Variants in USP33 observed in about 807,000 individuals in gnomAD.
The protein encoded by USP33 is ubiquitin carboxyl-terminal hydrolase 33.
Under a neutral mutation model 124.2 loss-of-function variants are expected in USP33, and 46 were observed. The ratio of observed to expected loss-of-function variants is 0.37; its 90% CI spans 0.29 to 0.47. The LOEUF (loss-of-function observed/expected upper bound fraction) is 0.47. USP33 is among the 20% of genes least tolerant of loss of function. USP33 has a pLI of 0.99. For synonymous variants in USP33, 350 were observed against 352.3 expected (o/e 0.99, Z 0.07); for missense variants, 851 against 1,070.6 (o/e 0.79, Z 2.86).
chr1:77,702,765 T>C (rs1353157650), intron 21 of USP33, among the ~76,000 whole-genome samples: 1 of 152,102 alleles, frequency 6.6e-6, no homozygotes, highest in Non-Finnish European at 1.5e-5. Flanking sequence ...ATTTCTTTTT[T>C]GCCAGGTTAG....
At chr1:77,754,717 C>G (rs570446809) in intron 1 of USP33, among the ~76,000 whole-genome samples, 1 of 152,296 alleles carries the variant, frequency 6.6e-6, no homozygotes, top group African/African-American at 2.4e-5. Flanking sequence ...AAATCTGTCT[C>G]ATTGATCCTT....
chr1:77,715,602 T>C, intron 18 of USP33, 140 bp downstream of exon 18: 2 of 930,288 alleles, frequency 2.1e-6, no homozygotes, highest in Non-Finnish European at 3.1e-6. Context: ...TATACAGCCT[T>C]TCACTGTATT....
At chr1:77,751,765 T>C (rs1056446044) in intron 1 of USP33, among the ~76,000 whole-genome samples, 2 of 151,814 alleles carry the variant, frequency 1.3e-5, no homozygotes, top group Non-Finnish European at 2.9e-5. Context: ...CTCAGCTCAC[T>C]GCAAGCTCCA....
chr1:77,699,005 G>A (rs1368487719), intron 22 of USP33, among the ~76,000 whole-genome samples: 2 of 151,754 alleles, frequency 1.3e-5, no homozygotes, highest in Non-Finnish European at 2.9e-5. Context: ...AAAGTGAACC[G>A]CATGGTCATC....
intron 22 of USP33, among the ~76,000 whole-genome samples, chr1:77,699,907 C>G (rs1673812743): frequency 6.6e-6 from 1 of 152,128 alleles, no homozygotes; most frequent in Admixed American, 6.5e-5. Context: ...ATGGATGGAG[C>G]TGGAAGCCAT....
intron 21 of USP33, among the ~76,000 whole-genome samples, chr1:77,710,091 A>G (rs1244315891): frequency 2.0e-5 from 3 of 152,118 alleles, no homozygotes; most frequent in Admixed American, 1.3e-4. Context: ...TATGGAACCA[A>G]TCGCTCACTG....
intron 1 of USP33, among the ~76,000 whole-genome samples, chr1:77,758,040 A>G (rs535130949): frequency 6.6e-6 from 1 of 152,226 alleles, no homozygotes; most frequent in Non-Finnish European, 1.5e-5. Flanking sequence ...TAAGTTATAA[A>G]AAGTTCAGAA....
At chr1:77,732,029 AG>A (rs1207883161) in intron 7 of USP33, among the ~76,000 whole-genome samples, 3 of 151,556 alleles carry the variant, frequency 2.0e-5, no homozygotes, top group Non-Finnish European at 2.9e-5. Flanking sequence ...CCTTGAACCC[AG>A]GAGTTCAAGG....
At chr1:77,697,697 T>C in intron 23 of USP33, 166 bp downstream of exon 23, 6 of 896,418 alleles carry the variant, frequency 6.7e-6, no homozygotes, top group Non-Finnish European at 1.0e-5. Context: ...CTTAAGACCT[T>C]TCCTCAGATA....
In USP33 at chr1:77,759,750, G is replaced by C. The variant is rs559842047; in HGVS notation, c.-159C>G. 4 of 398,062 alleles carry C rather than the reference G, an allele frequency of 1.0e-5. No homozygotes were observed. In the South Asian group the frequency reaches 5.1e-4, roughly 51 times the overall value. 24.7% of individuals were successfully genotyped at this position (398,062 alleles called of 1,614,324 possible). ...TCAGCTCTCGGAGAGGGGCAGTGTCGCGTCAGGAGGGCCGGAAAACGGCCC... is the reference window on the plus strand; with the variant it reads ...TCAGCTCTCGGAGAGGGGCAGTGTCCCGTCAGGAGGGCCGGAAAACGGCCC... On this transcript the variant is annotated 5_prime_UTR_variant, in exon 1 of 24. Transcript: ENST00000370794.
chr1:77,717,358 C>G (rs995605214), intron 17 of USP33, among the ~76,000 whole-genome samples: 4 of 151,878 alleles, frequency 2.6e-5, no homozygotes, highest in African/African-American at 9.7e-5. Context: ...GGCGTGGTGG[C>G]AGGCGCCTGT....
intron 1 of USP33, among the ~76,000 whole-genome samples, chr1:77,748,593 C>T (rs1047206418): frequency 5.3e-5 from 8 of 151,454 alleles, no homozygotes; most frequent in Non-Finnish European, 8.8e-5. Context: ...CACTTTAACC[C>T]GGGAGGCAGA....
intron 1 of USP33, among the ~76,000 whole-genome samples, chr1:77,745,245 AC>A (rs1679622568): frequency 1.3e-5 from 2 of 151,806 alleles, no homozygotes; most frequent in African/African-American, 2.4e-5. Context: ...AGGATTGCAA[AC>A]CCTGCTTTTT....
intron 1 of USP33, among the ~76,000 whole-genome samples, chr1:77,754,230 T>C (rs1219317238): frequency 2.0e-5 from 3 of 152,176 alleles, no homozygotes; most frequent in Non-Finnish European, 4.4e-5. Flanking sequence ...AAAAATTGAT[T>C]TGTCTTTCAA....
intron 19 of USP33, 112 bp downstream of exon 19, chr1:77,714,502 T>C (rs1459360237): frequency 3.8e-6 from 4 of 1,059,816 alleles, no homozygotes; most frequent in Non-Finnish European, 5.5e-6. Context: ...TAAGTTTGAA[T>C]GCAGGTGGGG....
intron 4 of USP33, among the ~76,000 whole-genome samples, chr1:77,740,055 G>C (rs1396396938): frequency 6.6e-6 from 1 of 152,200 alleles, no homozygotes; most frequent in Non-Finnish European, 1.5e-5. Flanking sequence ...AACAGTTGAT[G>C]CTGTAGAGGT....
intron 5 of USP33, among the ~76,000 whole-genome samples, chr1:77,737,036 C>T (rs569097569): frequency 1.3e-5 from 2 of 151,000 alleles, no homozygotes; most frequent in East Asian, 1.9e-4. Flanking sequence ...TGCTAGTAAA[C>T]ACTTTAAAAA....
At chr1:77,710,978 TTC>T (rs1362346218) in intron 21 of USP33, among the ~76,000 whole-genome samples, 1 of 152,170 alleles carries the variant, frequency 6.6e-6, no homozygotes, top group Non-Finnish European at 1.5e-5. Context: ...TGACCACACT[TTC>T]TGTTGCTTAC....
Position 77,714,743 on chromosome 1 carries a change from A to T in USP33, c.2086T>A (p.Ser696Thr), listed in dbSNP as rs771086202. The T allele has an allele frequency of 6.2e-7, 1 of 1,612,532 alleles. No homozygotes were observed. Among genetic ancestry groups the T allele is most frequent in the Non-Finnish European group, 8.5e-7 (1 of 1,179,932 alleles). The change falls in exon 19 of 24, where the codon TCA becomes ACA. Residue 696 changes from serine to threonine, a missense_variant. Ser to Thr is a moderately conservative substitution (Grantham distance 58, BLOSUM62 1). Transcript: ENST00000370794. ...GGTTCCATTATGTTCAATAAATTTG[A>T]TATCCTTCTCCTCTCTTTTTGTGCC... ...EEAQKERRRI[S>T]NLLNIMEPSL...
Sources: gnomAD v4.1 joint callset for allele counts (sites outside exome capture counted in the v4.1 genomes callset) on GRCh38, gnomAD v4.1.1 for gene constraint, MANE v1.5 for transcripts, NCBI Gene and HGNC (gene_info 2026-07-23, HGNC 2026-07-21) for gene names.